Variants in DPM3 observed in about 807,000 individuals in gnomAD.
DPM3 encodes dolichyl-phosphate mannosyltransferase subunit 3, regulatory.
A neutral mutation model predicts 8.9 loss-of-function variants in DPM3; 7 were observed. That is an observed-to-expected ratio of 0.79 (90% CI 0.45 to 1.48). The LOEUF is 1.48. Among genes scored for constraint, DPM3 ranks in the 40% most tolerant of loss-of-function variants. The pLI is 0.01. For synonymous variants in DPM3, 41 were observed against 56.3 expected (o/e 0.73, Z 1.22); for missense variants, 108 against 116.2 (o/e 0.93, Z 0.33).
chr1:155,140,490 C>CCT lies in DPM3; in HGVS notation c.-7_-6dup. On this transcript the variant is annotated splice_region_variant and 5_prime_UTR_variant. Coordinates refer to ENST00000368400, the MANE Select transcript of DPM3 (RefSeq NM_153741.2). Reference sequence around the variant, plus strand: ...CCATTCAGCCTTCAACCTACACTTACCTCTACCCCACGTCTCCCCTTCCCC... The same window carrying CCT: ...CCATTCAGCCTTCAACCTACACTTACCTCTCTACCCCACGTCTCCCCTTCCCC... 1 of 671,842 alleles carries CCT rather than the reference C, an allele frequency of 1.5e-6. No individual in the cohort carries two copies. 41.6% of individuals were successfully genotyped at this position (671,842 alleles called of 1,614,324 possible).
chr1:155,140,392 AAAAGGTGGAAGGGCCCCTTCCACCTTGC>A, intron 1 of DPM3, 71 bp downstream of exon 1: 1 of 827,452 alleles, frequency 1.2e-6, no homozygotes, highest in Non-Finnish European at 2.1e-6. Context: ...GAGTGCCCAC[AAAAGGTGGAAGGGCCCCTTCCACCTTGC>A]TACCCCCTCT....
rs766728407 is a variant in DPM3 at position 155,139,977 on chromosome 1, C to A, written c.264G>T (p.Arg88Ser). ...GGTTAGGCTGTCAGAAGCGCAGCCC[C>A]CTGCGGGCTAAGTCGGCTCGGGCCT... ...IQEARADLAR[R>S]GLRF The change falls in exon 2 of 2, where the codon AGG (arginine) becomes AGT (serine). Residue 88 changes from arginine (R) to serine (S), a missense_variant. Physicochemically the swap from Arg to Ser is moderately radical, Grantham distance 110. Coordinates refer to ENST00000368400, the MANE Select transcript of DPM3 (RefSeq NM_153741.2). The A allele has an allele frequency of 6.2e-7, 1 of 1,611,292 alleles. No individual in the cohort carries two copies. The highest frequency in any genetic ancestry group is 8.5e-7 in the Non-Finnish European group (1 of 1,178,254).
chr1:155,140,328 C>T (rs754885305), intron 1 of DPM3, 83 bp from the exon 2 acceptor site: 1 of 1,457,982 alleles, frequency 6.9e-7, no homozygotes, highest in South Asian at 1.2e-5. Context: ...CCACGGAGAG[C>T]ATTAAAACCA....
Position 155,140,001 on chromosome 1 carries a change from C to T in DPM3, c.240G>A (p.Glu80=). ...AARELQSQIQ[E]ARADLARRGL... is the part of the protein sequence containing the mutation. ...CCCTGCGGGCTAAGTCGGCTCGGGC[C>T]TCCTGTATCTGGCTCTGCAGCTCGC... Residue 80 remains glutamate, a synonymous_variant, in exon 2 of 2, where the codon GAG becomes GAA. Coordinates refer to ENST00000368400, the MANE Select transcript of DPM3 (RefSeq NM_153741.2). 1.2e-6 allele frequency: 2 copies of T among 1,613,638 alleles called. No individual in the cohort carries two copies. The highest frequency in any genetic ancestry group is 8.5e-7 in the Non-Finnish European group (1 of 1,179,832).
chr1:155,140,354 G>T, intron 1 of DPM3, 109 bp from the exon 2 acceptor site: 1 of 1,219,040 alleles, frequency 8.2e-7, no homozygotes, highest in Non-Finnish European at 1.2e-6. Context: ...GGCCAGAGGG[G>T]AATCGCCGAT....
chr1:155,140,066 A>G lies in DPM3; in HGVS notation c.175T>C (p.Tyr59His). Residue 59 changes from tyrosine to histidine, a missense_variant, in exon 2 of 2, where the codon TAT becomes CAT. By Grantham distance (83) the Tyr-to-His change is moderately conservative (BLOSUM62 2). Coordinates refer to ENST00000368400, the MANE Select transcript of DPM3 (RefSeq NM_153741.2). The part of the protein sequence containing the change: ...AGCYALGTVG[Y>H]RVATFHDCED... ...CAGTCATGAAAAGTGGCCACACGAT[A>G]GCCCACAGTGCCCAGGGCATAGCAG... 6.2e-7 allele frequency: 1 copy of G among 1,614,090 alleles called. No homozygotes were observed.
chr1:155,140,431 A>G, intron 1 of DPM3, 60 bp downstream of exon 1: 1 of 722,616 alleles, frequency 1.4e-6, no homozygotes, highest in Non-Finnish European at 2.5e-6. Context: ...TACCCCCTCT[A>G]TATTTGAGAC....
chr1:155,140,128 A>C lies in DPM3; in HGVS notation c.113T>G (p.Leu38Arg), dbSNP rs748158411. The C allele has an allele frequency of 6.2e-7, 1 of 1,614,168 alleles. No homozygotes were observed. Among genetic ancestry groups the C allele is most frequent in the Non-Finnish European group, 8.5e-7 (1 of 1,180,042 alleles). The change falls in exon 2 of 2, where the codon CTG (leucine) becomes CGG (arginine). Residue 38 changes from leucine to arginine, a missense_variant. By Grantham distance (102) the Leu-to-Arg change is moderately radical. Coordinates refer to ENST00000368400, the MANE Select transcript of DPM3 (RefSeq NM_153741.2). ...CAGCAAGTAGGCGGGCAGTGGCCAC[A>C]GGACTTCCTGGCAGGACAAGGGCAG... ...LELPLSCQEV[L>R]WPLPAYLLVS... is the part of the protein sequence containing the mutation.
At chr1:155,140,422 A>AC in intron 1 of DPM3, 69 bp downstream of exon 1, 1 of 728,584 alleles carries the variant, frequency 1.4e-6, no homozygotes, top group Non-Finnish European at 2.5e-6. Flanking sequence ...CCACCTTGCT[A>AC]CCCCCTCTAT....
chr1:155,140,008 ATCTGGCTCTGCAGCTCGCGTGCGGCG>A lies in DPM3; in HGVS notation c.207_232del (p.Ala70ThrfsTer18). 6.2e-7 allele frequency: 1 copy of A among 1,613,910 alleles called. No individual in the cohort carries two copies. On this transcript the variant is annotated frameshift_variant, in exon 2 of 2. Coordinates refer to ENST00000368400, the MANE Select transcript of DPM3 (RefSeq NM_153741.2). LOFTEE classifies it high-confidence loss of function. ...GGCTAAGTCGGCTCGGGCCTCCTGT[ATCTGGCTCTGCAGCTCGCGTGCGGCG>A]TCCTCGCAGTCATGAAAAGTGGCCA...
chr1:155,140,512 C>T lies in DPM3; in HGVS notation c.-27G>A. On this transcript the variant is annotated 5_prime_UTR_variant, in exon 1 of 2. Transcript: ENST00000368400. ...TTACCTCTACCCCACGTCTCCCCTTCCCCGCGCGGCCCGGATGTTGGCGTC... is the reference window on the plus strand; with the variant it reads ...TTACCTCTACCCCACGTCTCCCCTTTCCCGCGCGGCCCGGATGTTGGCGTC... 1.6e-6 allele frequency: 1 copy of T among 630,378 alleles called. No individual in the cohort carries two copies. The allele number at this position is 630,378 out of a possible 1,614,324, so 39.0% of individuals were successfully genotyped here.
chr1:155,140,522 C>A lies in DPM3; in HGVS notation c.-37G>T, dbSNP rs913229463. 1.8e-5 allele frequency: 11 copies of A among 622,892 alleles called. No individual in the cohort carries two copies. The highest frequency in any genetic ancestry group is 1.7e-4 in the African/African-American group (9 of 54,264). The allele number at this position is 622,892 out of a possible 1,614,324, so 38.6% of individuals were successfully genotyped here. A position where few individuals can be genotyped will look rare whatever the true frequency, so the allele number is the denominator to read the frequency against. ...CCCACGTCTCCCCTTCCCCGCGCGG[C>A]CCGGATGTTGGCGTCCGGAAGTCCT... is the stretch of plus-strand genomic sequence containing the variant. On this transcript the variant is annotated 5_prime_UTR_variant, in exon 1 of 2. Transcript: ENST00000368400.
rs374637597 is a variant in DPM3 at position 155,140,326 on chromosome 1, A to G, written c.-5-81T>C. 2.2e-5 allele frequency: 33 copies of G among 1,495,506 alleles called. 2 individuals are homozygous for G. The highest frequency in any genetic ancestry group is 6.9e-5 in the East Asian group (3 of 43,496). The allele number at this position is 1,495,506 out of a possible 1,614,324, so 92.6% of individuals were successfully genotyped here. The stretch of plus-strand genomic sequence containing the variant: ...ACTCAACCGAAGCCCGCCCACGGAG[A>G]GCATTAAAACCAGCCCTGGCCAGAG... On this transcript the variant is annotated intron_variant, in intron 1 of 1. Coordinates refer to ENST00000368400, the MANE Select transcript of DPM3 (RefSeq NM_153741.2).
Position 155,140,139 on chromosome 1 carries a change from G to T in DPM3, c.102C>A (p.Cys34Ter). 1 of 1,614,162 alleles carries T rather than the reference G, an allele frequency of 6.2e-7. No individual in the cohort carries two copies. The highest frequency in any genetic ancestry group is 8.5e-7 in the Non-Finnish European group (1 of 1,180,044). Residue 34 changes from cysteine (C) to a stop codon, truncating the protein, a stop_gained, in exon 2 of 2, where the codon TGC becomes TGA. Transcript: ENST00000368400. LOFTEE classifies it high-confidence loss of function. Reference protein sequence around the residue: ...GALGLELPLSCQEVLWPLPAY... With the variant: ...GALGLELPLS ...CGGGCAGTGGCCACAGGACTTCCTG[G>T]CAGGACAAGGGCAGCTCCAGGCCCA...
chr1:155,140,093 C>T lies in DPM3; in HGVS notation c.148G>A (p.Gly50Ser). The T allele has an allele frequency of 2.5e-6, 4 of 1,614,120 alleles. No homozygotes were observed. Among genetic ancestry groups the T allele is most frequent in the Non-Finnish European group, 3.4e-6 (4 of 1,180,042 alleles). ...PLPAYLLVSAGCYALGTVGYR... is the reference protein window; with the variant it reads ...PLPAYLLVSASCYALGTVGYR... The stretch of plus-strand genomic sequence containing the variant: ...CCCACAGTGCCCAGGGCATAGCAGC[C>T]GGCGGACACCAGCAAGTAGGCGGGC... The change falls in exon 2 of 2, where the codon GGC (glycine) becomes AGC (serine). Residue 50 changes from glycine (G) to serine (S), a missense_variant. Transcript: ENST00000368400.
In DPM3 at chr1:155,140,482, T is replaced by G; in HGVS notation, c.-6+9A>C. On this transcript the variant is annotated intron_variant, in intron 1 of 1. Coordinates refer to ENST00000368400, the MANE Select transcript of DPM3 (RefSeq NM_153741.2). The stretch of plus-strand genomic sequence containing the variant: ...CGCCCTCCCCATTCAGCCTTCAACC[T>G]ACACTTACCTCTACCCCACGTCTCC... 1.5e-6 allele frequency: 1 copy of G among 683,870 alleles called. No homozygotes were observed. The allele number at this position is 683,870 out of a possible 1,614,324, so 42.4% of individuals were successfully genotyped here.
Position 155,139,958 on chromosome 1 carries a change from G to A in DPM3, c.*4C>T, listed in dbSNP as rs1156470476. The A allele has an allele frequency of 6.2e-7, 1 of 1,607,354 alleles. No individual in the cohort carries two copies. The highest frequency in any genetic ancestry group is 8.5e-7 in the Non-Finnish European group (1 of 1,175,890). On this transcript the variant is annotated 3_prime_UTR_variant, in exon 2 of 2. Transcript: ENST00000368400. ...GCTGTCCGCACAGGAATGGGGTTAG[G>A]CTGTCAGAAGCGCAGCCCCCTGCGG...
In DPM3 at chr1:155,140,255, A is replaced by T; in HGVS notation, c.-5-10T>A. The T allele has an allele frequency of 6.2e-7, 1 of 1,613,724 alleles. No individual in the cohort carries two copies. Among genetic ancestry groups the T allele is most frequent in the Non-Finnish European group, 8.5e-7 (1 of 1,179,894 alleles). ...AATTTCGTCATGGTCACTGCGAGAG[A>T]AGGAAGCAATGCTCCCCTGAGGAGC... On this transcript the variant is annotated splice_polypyrimidine_tract_variant and intron_variant, in intron 1 of 1. Transcript: ENST00000368400.
At chr1:155,140,317 C>T in intron 1 of DPM3, 72 bp from the exon 2 acceptor site, 2 of 1,527,686 alleles carry the variant, frequency 1.3e-6, no homozygotes, top group Non-Finnish European at 1.8e-6. Context: ...CCGAAGCCCG[C>T]CCACGGAGAG....
Sources: allele counts gnomAD v4.1 joint callset, GRCh38; gene constraint gnomAD v4.1.1; transcripts MANE v1.5; gene names NCBI Gene and HGNC (gene_info 2026-07-23, HGNC 2026-07-21).